The following PCLO variants were observed in gnomAD, a reference collection of about 807,000 sequenced individuals.
The protein encoded by PCLO is piccolo presynaptic cytomatrix protein.
In PCLO, 82 loss-of-function variants were observed where a neutral mutation model predicts 427.5. That is an observed-to-expected ratio of 0.19 (90% CI 0.16 to 0.23). PCLO has a LOEUF of 0.23. Ranked by LOEUF, PCLO falls within the 10% of genes least tolerant of loss-of-function variation. The pLI is 1.00. For synonymous variants in PCLO, 2,357 were observed against 2,155.4 expected (o/e 1.09, Z -2.59); for missense variants, 6,239 against 6,115.9 (o/e 1.02, Z -0.67).
At chr7:82,945,679 G>A (rs747335560) in intron 6 of PCLO, among the ~76,000 whole-genome samples, 5 of 152,190 alleles carry the variant, frequency 3.3e-5, no homozygotes, top group Non-Finnish European at 2.9e-5. Context: ...AATGATCCTA[G>A]TGGTAGGAAG....
chr7:82,818,016 T>G (rs1791712324), intron 20 of PCLO, among the ~76,000 whole-genome samples: 1 of 152,178 alleles, frequency 6.6e-6, no homozygotes, highest in Non-Finnish European at 1.5e-5. Context: ...GATATAGTTT[T>G]CAAACAAACC....
chr7:83,106,488 G>T (rs925866869), intron 3 of PCLO, among the ~76,000 whole-genome samples: 3 of 152,080 alleles, frequency 2.0e-5, no homozygotes, highest in African/African-American at 7.2e-5. Context: ...ATATTTGCAT[G>T]ATGACTTTTT....
At chr7:82,824,546 ATTCT>A in intron 18 of PCLO, 130 bp from the exon 19 acceptor site, 1 of 503,402 alleles carries the variant, frequency 2.0e-6, no homozygotes, top group Non-Finnish European at 3.4e-6. Flanking sequence ...GAGGATGATG[ATTCT>A]TTCTTCCTCA....
intron 3 of PCLO, among the ~76,000 whole-genome samples, chr7:83,057,749 A>G (rs1287925315): frequency 6.6e-6 from 1 of 152,094 alleles, no homozygotes; most frequent in Non-Finnish European, 1.5e-5. Flanking sequence ...AAAATTAGAC[A>G]TGGAACTTAT....
intron 22 of PCLO, among the ~76,000 whole-genome samples, chr7:82,795,179 T>A (rs543575765): frequency 1.3e-5 from 2 of 152,300 alleles, no homozygotes; most frequent in Non-Finnish European, 2.9e-5. Context: ...TGAAGAAAAT[T>A]ATGGCAGAAC....
chr7:82,788,562 A>T (rs1791033693), intron 22 of PCLO, among the ~76,000 whole-genome samples: 1 of 152,148 alleles, frequency 6.6e-6, no homozygotes, highest in African/African-American at 2.4e-5. Context: ...TAGCATTCTG[A>T]ATTTCTGATC....
At chr7:83,117,904 G>A (rs1385444204) in intron 3 of PCLO, among the ~76,000 whole-genome samples, 2 of 152,126 alleles carry the variant, frequency 1.3e-5, no homozygotes, top group Non-Finnish European at 2.9e-5. Flanking sequence ...GGTTTACATG[G>A]ATATTTAATG....
chr7:83,075,418 C>T lies in PCLO; in HGVS notation c.3300+58832G>A, dbSNP rs138059829. Among the ~76,000 whole-genome samples, 147 of 152,116 alleles carry T rather than the reference C, an allele frequency of 9.7e-4. 4 individuals are homozygous for T. The East Asian group carries it at 0.021, about 22-fold the overall frequency. On this transcript the variant is annotated intron_variant, in intron 3 of 24. Coordinates refer to ENST00000333891, the MANE Select transcript of PCLO (RefSeq NM_033026.6). ...ACTTAGATGAGTTGGTCTTTTGTTT[C>T]GCACTTTCACCCCAAAGAAACCTGA...
intron 3 of PCLO, among the ~76,000 whole-genome samples, chr7:83,024,084 C>G (rs1461883651): frequency 6.6e-6 from 1 of 152,128 alleles, no homozygotes; most frequent in Non-Finnish European, 1.5e-5. Flanking sequence ...TAAGAAAAGG[C>G]TCAGCTCACT....
chr7:83,038,041 A>ATATCTT lies in PCLO; in HGVS notation c.3301-71555_3301-71554insAAGATA, dbSNP rs1788859939. On this transcript the variant is annotated intron_variant, in intron 3 of 24. Transcript: ENST00000333891. ...TATATATATATATATTTATATATTT[A>ATATCTT]TATATATATCTTTATATATATATTT... Among the ~76,000 whole-genome samples, 12 of 45,902 alleles carry ATATCTT rather than the reference A, an allele frequency of 2.6e-4. No individual in the cohort carries two copies. The East Asian group carries it at 3.0e-3, about 12-fold the overall frequency. 30.1% of individuals were successfully genotyped at this position (45,902 alleles called of 152,430 possible).
chr7:82,916,797 T>C lies in PCLO; in HGVS notation c.11189A>G (p.Glu3730Gly), dbSNP rs749575739. ...GGATTGAGTTCCTGTGGAAATCTCCTCAGGAGGTGGATTTGGCAGAGTTCT... is the reference window on the plus strand; with the variant it reads ...GGATTGAGTTCCTGTGGAAATCTCCCCAGGAGGTGGATTTGGCAGAGTTCT... ...VKRTLPNPPP[E>G]EISTGTQSTF... The change falls in exon 7 of 25, where the codon GAG becomes GGG. Residue 3730 changes from glutamate (E) to glycine (G), a missense_variant. By Grantham distance (98) the Glu-to-Gly change is moderately conservative. Transcript: ENST00000333891. 5.0e-6 allele frequency: 8 copies of C among 1,613,236 alleles called. No homozygotes were observed. The Admixed American group carries it at 1.3e-4, about 27-fold the overall frequency.
chr7:82,875,330 G>T (rs923947345), intron 10 of PCLO, among the ~76,000 whole-genome samples: 2 of 151,898 alleles, frequency 1.3e-5, no homozygotes, highest in African/African-American at 4.8e-5. Context: ...CCATTTTATT[G>T]AGTATAATCT....
chr7:82,837,714 A>G (rs750750386), intron 15 of PCLO, among the ~76,000 whole-genome samples: 3 of 152,002 alleles, frequency 2.0e-5, no homozygotes, highest in Non-Finnish European at 4.4e-5. Flanking sequence ...ACTTTGTGCT[A>G]TTTTATAATT....
chr7:83,014,236 T>C (rs1340942192), intron 3 of PCLO, among the ~76,000 whole-genome samples: 2 of 152,144 alleles, frequency 1.3e-5, no homozygotes, highest in Non-Finnish European at 2.9e-5. Context: ...ATTAGTGATA[T>C]AAACAACAGG....
intron 22 of PCLO, among the ~76,000 whole-genome samples, chr7:82,792,616 C>T (rs1263281244): frequency 2.0e-5 from 3 of 152,070 alleles, no homozygotes; most frequent in Admixed American, 6.6e-5. Flanking sequence ...GGTGAGCCAC[C>T]TCACCCCACC....
intron 22 of PCLO, among the ~76,000 whole-genome samples, chr7:82,792,250 TTTC>T (rs1359909044): frequency 2.0e-5 from 3 of 152,142 alleles, no homozygotes; most frequent in African/African-American, 2.4e-5. Flanking sequence ...ATACCATTTT[TTTC>T]TTCTTATTAT....
At position 83,155,864 on chromosome 7, in the gene PCLO, C is replaced by T. The variant is rs2116692064; in HGVS notation, c.777G>A (p.Gln259=). ...SQPPGTGKPI[Q]GPTQTPQTDH... ...CTGTCTGAGGAGTCTGGGTAGGACC[C>T]TGAATTGGCTTTCCTGTACCTGGAG... The change falls in exon 2 of 25, where the codon CAG becomes CAA. Residue 259 remains glutamine (Q), a synonymous_variant. Transcript: ENST00000333891. 3 of 1,613,844 alleles carry T rather than the reference C, an allele frequency of 1.9e-6. No individual in the cohort carries two copies. Among genetic ancestry groups the T allele is most frequent in the Non-Finnish European group, 2.5e-6 (3 of 1,179,868 alleles).
chr7:82,994,933 G>T (rs1264911560), intron 3 of PCLO, among the ~76,000 whole-genome samples: 2 of 151,950 alleles, frequency 1.3e-5, no homozygotes, highest in African/African-American at 4.8e-5. Flanking sequence ...GTAATTACTG[G>T]CTTGGATTTC....
At chr7:82,777,036 T>G (rs1425213011) in intron 22 of PCLO, among the ~76,000 whole-genome samples, 2 of 152,040 alleles carry the variant, frequency 1.3e-5, no homozygotes, top group Non-Finnish European at 2.9e-5. Context: ...TGATGTTTAG[T>G]GCTATAAATT....
Sources: gnomAD v4.1 joint callset for allele counts (sites outside exome capture counted in the v4.1 genomes callset) on GRCh38, gnomAD v4.1.1 for gene constraint, MANE v1.5 for transcripts, NCBI Gene and HGNC (gene_info 2026-07-23, HGNC 2026-07-21) for gene names.